MMP16: variants seen among roughly 807,000 people sequenced by gnomAD.
MMP16 encodes the protein matrix metalloproteinase-16.
A neutral mutation model predicts 67.8 loss-of-function variants in MMP16; 12 were observed. The observed-to-expected ratio is 0.18, with a 90% CI of 0.11 to 0.29. MMP16 has a LOEUF of 0.29. Among genes scored for constraint, MMP16 ranks in the 10% least tolerant of loss-of-function variants. The pLI, the probability that MMP16 is intolerant of heterozygous loss-of-function variation, is 1.00. For synonymous variants in MMP16, 249 were observed against 255.9 expected (o/e 0.97, Z 0.26); for missense variants, 475 against 765.7 (o/e 0.62, Z 4.48).
At chr8:88,219,154 G>A (rs967547591) in intron 1 of MMP16, among the ~76,000 whole-genome samples, 1 of 151,926 alleles carries the variant, frequency 6.6e-6, no homozygotes, top group South Asian at 2.1e-4. Context: ...ATAAAATAAA[G>A]CAGGAAAGAA....
intron 6 of MMP16, among the ~76,000 whole-genome samples, chr8:88,108,731 C>A (rs928916707): frequency 2.0e-5 from 3 of 151,300 alleles, no homozygotes; most frequent in African/African-American, 7.3e-5. Context: ...TGTAAGGTTT[C>A]CATTCCCTAA....
At chr8:88,209,919 A>C (rs1809487113) in intron 1 of MMP16, among the ~76,000 whole-genome samples, 1 of 152,148 alleles carries the variant, frequency 6.6e-6, no homozygotes, top group Admixed American at 6.6e-5. Context: ...TTGAAATCCT[A>C]ACCCCAAGGT....
chr8:88,207,916 C>G (rs573169255), intron 1 of MMP16, among the ~76,000 whole-genome samples: 11 of 152,078 alleles, frequency 7.2e-5, no homozygotes, highest in African/African-American at 2.7e-4. Context: ...AAAATTAAAG[C>G]AAAAGGAAGG....
At chr8:88,059,236 C>T (rs1184332995) in intron 7 of MMP16, among the ~76,000 whole-genome samples, 1 of 151,864 alleles carries the variant, frequency 6.6e-6, no homozygotes, top group African/African-American at 2.4e-5. Context: ...TAAAGAGTAA[C>T]CAGAACTGGA....
chr8:88,118,470 T>A (rs1020504563), intron 5 of MMP16, among the ~76,000 whole-genome samples: 2 of 152,038 alleles, frequency 1.3e-5, no homozygotes, highest in Non-Finnish European at 2.9e-5. Flanking sequence ...ACTCAGTAAG[T>A]AAGAAAATTT....
At chr8:88,124,955 T>C (rs1586163538) in intron 4 of MMP16, among the ~76,000 whole-genome samples, 1 of 152,056 alleles carries the variant, frequency 6.6e-6, no homozygotes. Flanking sequence ...TCTCATTAAC[T>C]GGACCTTATT....
intron 1 of MMP16, among the ~76,000 whole-genome samples, chr8:88,303,396 A>C (rs1307469805): frequency 3.9e-5 from 6 of 152,164 alleles, no homozygotes; most frequent in Non-Finnish European, 8.8e-5. Flanking sequence ...CCAGCTCTGG[A>C]GAGTCTAGCC....
intron 6 of MMP16, among the ~76,000 whole-genome samples, chr8:88,102,039 A>G (rs889789079): frequency 2.0e-5 from 3 of 151,832 alleles, no homozygotes; most frequent in Non-Finnish European, 4.4e-5. Flanking sequence ...GAAAAGACTG[A>G]AACTGTTTTT....
At chr8:88,220,917 AAATAAATAAAT>A (rs1809672163) in intron 1 of MMP16, among the ~76,000 whole-genome samples, 2 of 152,146 alleles carry the variant, frequency 1.3e-5, no homozygotes, top group Admixed American at 6.6e-5. Context: ...CTAAATTAGA[AAATAAATAAAT>A]CCACAAAGAA....
intron 1 of MMP16, among the ~76,000 whole-genome samples, chr8:88,265,223 C>CT (rs398008661): frequency 0.7 from 70,022 of 100,334 alleles, 26,270 homozygotes; most frequent in East Asian, 0.89. Flanking sequence ...TGACCATTTC[C>CT]TTTTTTTTTT....
At chr8:88,253,259 C>T (rs1047714130) in intron 1 of MMP16, among the ~76,000 whole-genome samples, 2 of 152,042 alleles carry the variant, frequency 1.3e-5, no homozygotes, top group Non-Finnish European at 2.9e-5. Context: ...TGCCCTCATA[C>T]ATAAGTATTA....
At chr8:88,133,815 TATC>T (rs1193104608) in intron 4 of MMP16, among the ~76,000 whole-genome samples, 1 of 151,842 alleles carries the variant, frequency 6.6e-6, no homozygotes, top group African/African-American at 2.4e-5. Flanking sequence ...ATAACTATCA[TATC>T]ATCATCTAAC....
intron 1 of MMP16, among the ~76,000 whole-genome samples, chr8:88,207,067 A>G (rs1281400014): frequency 2.6e-5 from 4 of 152,096 alleles, no homozygotes; most frequent in Non-Finnish European, 4.4e-5. Context: ...ATATCAAAAA[A>G]CTCTAAAATT....
chr8:88,325,926 C>T (rs7835845), intron 1 of MMP16, among the ~76,000 whole-genome samples: 52,965 of 151,998 alleles, frequency 0.35, 10,224 homozygotes, highest in African/African-American at 0.53. Context: ...TTATTATGCA[C>T]ACTCTGTGTA....
intron 6 of MMP16, among the ~76,000 whole-genome samples, chr8:88,099,969 C>T (rs1809111299): frequency 6.6e-6 from 1 of 151,820 alleles, no homozygotes. Flanking sequence ...TACAAAGATT[C>T]TCCTCATACA....
chr8:88,265,677 C>T (rs966651350), intron 1 of MMP16, among the ~76,000 whole-genome samples: 13 of 152,096 alleles, frequency 8.5e-5, no homozygotes, highest in East Asian at 3.9e-4. Flanking sequence ...CAAAGTCCCA[C>T]GCAAAATCAT....
rs575329375 is a variant in MMP16, at chr8:88,110,486, G to A, written c.1083+6021C>T. ...AATTCTCTGCTTTCAATGTCTTGAC[G>A]ATTGCTCCCTTTGGTCTTATGTGAA... On this transcript the variant is annotated intron_variant, in intron 6 of 9. Coordinates refer to ENST00000286614, the MANE Select transcript of MMP16 (RefSeq NM_005941.5). Among the ~76,000 whole-genome samples, 196 of 151,534 alleles carry A rather than the reference G, an allele frequency of 1.3e-3. 2 individuals are homozygous for A. The highest frequency in any genetic ancestry group is 4.2e-3 in the African/African-American group (174 of 41,442).
At chr8:88,249,228 A>G (rs1486677995) in intron 1 of MMP16, among the ~76,000 whole-genome samples, 1 of 152,004 alleles carries the variant, frequency 6.6e-6, no homozygotes, top group African/African-American at 2.4e-5. Context: ...AAAGAATTAT[A>G]TCTGATGGAA....
At chr8:88,201,897 G>A (rs1448084127) in intron 1 of MMP16, among the ~76,000 whole-genome samples, 1 of 152,066 alleles carries the variant, frequency 6.6e-6, no homozygotes, top group Non-Finnish European at 1.5e-5. Flanking sequence ...AAAAGTGGCA[G>A]GATTTGTGGC....
Sources: gnomAD v4.1 joint callset for allele counts (sites outside exome capture counted in the v4.1 genomes callset) on GRCh38, gnomAD v4.1.1 for gene constraint, MANE v1.5 for transcripts, NCBI Gene and HGNC (gene_info 2026-07-23, HGNC 2026-07-21) for gene names.